The following B4GALNT3 variants were observed in gnomAD, a reference collection of about 807,000 sequenced individuals.
B4GALNT3 encodes the protein beta-1,4-N-acetylgalactosaminyltransferase 3.
B4GALNT3 carries 86 observed loss-of-function variants against 120.2 expected under a neutral mutation model. The ratio of observed to expected loss-of-function variants is 0.72; its 90% CI spans 0.60 to 0.86. The LOEUF (loss-of-function observed/expected upper bound fraction) is 0.86, where lower values mean the gene tolerates loss of function less well. Among genes scored for constraint, B4GALNT3 ranks in the 40% least tolerant of loss-of-function variants. The pLI, the probability that B4GALNT3 is intolerant of heterozygous loss-of-function variation, is 0.00. For synonymous variants in B4GALNT3, 518 were observed against 510.4 expected, an observed-to-expected ratio of 1.01 and a Z score of -0.20; for missense variants, 1,167 against 1,298.9, an observed-to-expected ratio of 0.90 and a Z score of 1.56.
At chr12:485,754 C>T (rs183861438) in intron 1 of B4GALNT3, among the ~76,000 whole-genome samples, 3 of 152,142 alleles carry the variant, frequency 2.0e-5, no homozygotes, top group East Asian at 1.9e-4. Flanking sequence ...ATTTTTAAAC[C>T]TAGTCAACTT....
At chr12:541,048 G>A (rs931228788) in intron 3 of B4GALNT3, among the ~76,000 whole-genome samples, 2 of 152,184 alleles carry the variant, frequency 1.3e-5, no homozygotes, top group Admixed American at 6.5e-5. Flanking sequence ...CGGCAGCTTC[G>A]GAGGTTTTAA....
chr12:544,268 C>T, intron 3 of B4GALNT3, 71 bp from the exon 4 acceptor site: 4 of 1,464,278 alleles, frequency 2.7e-6, no homozygotes, highest in Non-Finnish European at 3.8e-6. Flanking sequence ...TGCTCATCCC[C>T]CTGGAGCTGA....
chr12:546,799 G>A (rs1375260085), intron 7 of B4GALNT3, 86 bp downstream of exon 7: 8 of 1,333,844 alleles, frequency 6.0e-6, no homozygotes, highest in African/African-American at 1.5e-5. Context: ...CCCAGCTGCC[G>A]ACTCCAGAGC....
chr12:513,558 C>T (rs1946620643), intron 1 of B4GALNT3, among the ~76,000 whole-genome samples: 1 of 152,196 alleles, frequency 6.6e-6, no homozygotes, highest in Non-Finnish European at 1.5e-5. Context: ...TAGCCGGCTT[C>T]TTTCCTGCAG....
intron 1 of B4GALNT3, among the ~76,000 whole-genome samples, chr12:516,242 C>T (rs1946654405): frequency 6.6e-6 from 1 of 151,728 alleles, no homozygotes; most frequent in South Asian, 2.1e-4. Context: ...CATAATATGT[C>T]AAGTGGTAAT....
At chr12:462,913 G>T (rs957459266) in intron 1 of B4GALNT3, among the ~76,000 whole-genome samples, 1 of 152,146 alleles carries the variant, frequency 6.6e-6, no homozygotes, top group African/African-American at 2.4e-5. Context: ...GGAGAGCCAG[G>T]GAGGAGGCAT....
At chr12:508,232 C>G (rs1946516475) in intron 1 of B4GALNT3, among the ~76,000 whole-genome samples, 2 of 152,200 alleles carry the variant, frequency 1.3e-5, no homozygotes, top group Non-Finnish European at 2.9e-5. Flanking sequence ...TTCAAGGTGT[C>G]TCTGTTACCT....
At chr12:536,121 G>T in intron 2 of B4GALNT3, 97 bp from the exon 3 acceptor site, 1 of 942,446 alleles carries the variant, frequency 1.1e-6, no homozygotes, top group Non-Finnish European at 1.7e-6. Flanking sequence ...CGTGCTCCGA[G>T]CCGACGCCTC....
rs12424116 is a variant in B4GALNT3, at chr12:460,808, C to G, written c.169+263C>G. On this transcript the variant is annotated intron_variant, in intron 1 of 19. Transcript: ENST00000266383. The surrounding 1 kb of genome is among the most constrained non-coding windows in gnomAD (Gnocchi z 8.0). ...CCTGGGGGCTCCTCGCGTCTCCCCT[C>G]GGAGAGCGACCCGGAGAGAGGCTCC... is the stretch of plus-strand genomic sequence containing the variant. 0.31 allele frequency among the ~76,000 whole-genome samples: 47,026 copies of G among 151,914 alleles called. 7,684 individuals carry two copies. Among genetic ancestry groups the G allele is most frequent in the Non-Finnish European group, 0.34 (23,389 of 67,876 alleles).
In B4GALNT3 at chr12:559,279, TC is replaced by T. The variant is rs1437190973; in HGVS notation, c.2762-14del. ...GCCTCTGGCTCATCTCACCCGAAGCTCCTGTCTGTCCACAGGCTACTGGGAG... is the reference window on the plus strand; with the variant it reads ...GCCTCTGGCTCATCTCACCCGAAGCTCTGTCTGTCCACAGGCTACTGGGAG... On this transcript the variant is annotated splice_polypyrimidine_tract_variant and intron_variant, in intron 18 of 19. Transcript: ENST00000266383. 1 of 1,613,624 alleles carries T rather than the reference TC, an allele frequency of 6.2e-7. No homozygotes were observed. The highest frequency in any genetic ancestry group is 1.3e-5 in the African/African-American group (1 of 74,892).
intron 1 of B4GALNT3, among the ~76,000 whole-genome samples, chr12:483,967 T>A (rs1705005211): frequency 1.3e-5 from 2 of 152,232 alleles, no homozygotes; most frequent in South Asian, 4.2e-4. Context: ...GGCAGGAAAG[T>A]TACTAAATCT....
intron 1 of B4GALNT3, among the ~76,000 whole-genome samples, chr12:493,055 C>T (rs1281756416): frequency 2.0e-5 from 3 of 152,164 alleles, no homozygotes; most frequent in African/African-American, 7.2e-5. Flanking sequence ...TTTTAGACAA[C>T]ACCAAAGTCA....
chr12:512,756 ACCTTCCGCCTTCCG>A (rs1202022606), intron 1 of B4GALNT3, among the ~76,000 whole-genome samples: 2 of 92,724 alleles, frequency 2.2e-5, no homozygotes, highest in Non-Finnish European at 4.2e-5. Context: ...TCCACCTTCC[ACCTTCCGCCTTCCG>A]CCTTCTGCCT....
Position 504,894 on chromosome 12 carries a change from GT to G in B4GALNT3, c.170-30259del, listed in dbSNP as rs113905340. Among the ~76,000 whole-genome samples the G allele has an allele frequency of 7.9e-4, 113 of 143,906 alleles. 2 individuals carry two copies. The highest frequency in any genetic ancestry group is 7.6e-4 in the African/African-American group (30 of 39,498). 94.4% of individuals were successfully genotyped at this position (143,906 alleles called of 152,430 possible). On this transcript the variant is annotated intron_variant, in intron 1 of 19. Transcript: ENST00000266383. ...TAGTCTTAAAAAGAATTCATCACAGGTTTTTTTTTTTTTGAGATGGAGTTTC... is the reference window on the plus strand; with the variant it reads ...TAGTCTTAAAAAGAATTCATCACAGGTTTTTTTTTTTTGAGATGGAGTTTC...
chr12:558,444 C>T (rs2075029), intron 17 of B4GALNT3, 64 bp from the exon 18 acceptor site: 28,377 of 1,502,270 alleles, frequency 0.019, 1,087 homozygotes, highest in East Asian at 0.16. Context: ...TTCTCCTAGA[C>T]GGCGACCTGA....
At chr12:555,543 G>C (rs1344020066) in intron 14 of B4GALNT3, 3 of 354,466 alleles carry the variant, frequency 8.5e-6, no homozygotes, top group Non-Finnish European at 1.1e-5. Context: ...ATGCTGCAAT[G>C]AACATTCATG....
chr12:526,885 C>G (rs984474700), intron 1 of B4GALNT3, among the ~76,000 whole-genome samples: 2 of 152,178 alleles, frequency 1.3e-5, no homozygotes, highest in Admixed American at 6.5e-5. Context: ...TTCTTACCTC[C>G]TCTCCTTATC....
intron 14 of B4GALNT3, chr12:555,197 G>GAAAGA: frequency 1.0e-5 from 3 of 286,664 alleles, no homozygotes; most frequent in East Asian, 9.7e-5. Flanking sequence ...GAAAAAGAAA[G>GAAAGA]AAAAAAAAAA....
At chr12:552,782 TTAC>T in intron 13 of B4GALNT3, 1 of 536,832 alleles carries the variant, frequency 1.9e-6, no homozygotes, top group Admixed American at 3.4e-5. Flanking sequence ...CCGGGGGAGG[TTAC>T]TTGGACTGCT....
Sources: allele counts gnomAD v4.1 joint callset (sites outside exome capture counted in the v4.1 genomes callset), GRCh38; gene constraint gnomAD v4.1.1; non-coding constraint Gnocchi (gnomAD v3.1); transcripts MANE v1.5; gene names NCBI Gene and HGNC (gene_info 2026-07-23, HGNC 2026-07-21).